TAFA1: variants seen among roughly 807,000 people sequenced by gnomAD.
TAFA1 encodes chemokine-like protein TAFA-1.
TAFA1 carries 4 observed loss-of-function variants against 18.5 expected under a neutral mutation model. The observed-to-expected ratio is 0.22, with a 90% CI of 0.11 to 0.49. TAFA1 has a LOEUF of 0.49. Among genes scored for constraint, TAFA1 ranks in the 20% least tolerant of loss-of-function variants. TAFA1 has a pLI of 0.98. For missense variants in TAFA1, 147 were observed against 169.0 expected, an observed-to-expected ratio of 0.87 and a Z score of 0.72; for synonymous variants, 56 against 55.2, an observed-to-expected ratio of 1.01 and a Z score of -0.06.
intron 2 of TAFA1, among the ~76,000 whole-genome samples, chr3:68,091,704 G>A (rs991828741): frequency 6.6e-6 from 1 of 152,106 alleles, no homozygotes; most frequent in Non-Finnish European, 1.5e-5. Flanking sequence ...GCCCTGAGAG[G>A]CAGGAGCCAG....
chr3:68,517,850 G>C (rs1025210763), intron 3 of TAFA1, among the ~76,000 whole-genome samples: 1 of 151,976 alleles, frequency 6.6e-6, no homozygotes, highest in African/African-American at 2.4e-5. Flanking sequence ...AGTTAATTAA[G>C]ACTGTGGACT....
At chr3:68,514,411 A>G (rs970644924) in intron 3 of TAFA1, among the ~76,000 whole-genome samples, 5 of 152,126 alleles carry the variant, frequency 3.3e-5, no homozygotes, top group Admixed American at 1.3e-4. Flanking sequence ...ATGTGTAGAG[A>G]GCCTTCCTTT....
At chr3:68,342,845 T>C (rs1457512608) in intron 2 of TAFA1, among the ~76,000 whole-genome samples, 1 of 152,244 alleles carries the variant, frequency 6.6e-6, no homozygotes, top group African/African-American at 2.4e-5. Flanking sequence ...GAGCTGCTGC[T>C]ACCTTGTAAT....
At chr3:68,268,736 T>C (rs981144687) in intron 2 of TAFA1, among the ~76,000 whole-genome samples, 1 of 152,122 alleles carries the variant, frequency 6.6e-6, no homozygotes, top group African/African-American at 2.4e-5. Flanking sequence ...CTTATGCATG[T>C]GCTGTAGGGG....
At chr3:68,460,218 C>A (rs934794789) in intron 3 of TAFA1, among the ~76,000 whole-genome samples, 7 of 152,198 alleles carry the variant, frequency 4.6e-5, no homozygotes, top group Admixed American at 1.3e-4. Flanking sequence ...ACAAAATATA[C>A]CCATCCCTTC....
chr3:68,040,104 C>CTA (rs956426794), intron 2 of TAFA1, among the ~76,000 whole-genome samples: 5 of 152,136 alleles, frequency 3.3e-5, no homozygotes, highest in African/African-American at 9.7e-5. Flanking sequence ...AGGGCATCTG[C>CTA]TATAACATTG....
chr3:68,108,228 T>C (rs1022575511), intron 2 of TAFA1, among the ~76,000 whole-genome samples: 1 of 152,108 alleles, frequency 6.6e-6, no homozygotes, highest in Non-Finnish European at 1.5e-5. Context: ...TCAAAAAAAG[T>C]AGAAACTTGT....
rs1315115273 is a variant in TAFA1 at position 68,338,893 on chromosome 3, G to A, written c.119-78387G>A. Among the ~76,000 whole-genome samples the A allele has an allele frequency of 1.3e-5, 2 of 152,188 alleles. 1 individual carries two copies. Among genetic ancestry groups the A allele is most frequent in the South Asian group, 4.1e-4 (2 of 4,836 alleles). ...TCTAAGCAAGGCTTGGATTCGTGCT[G>A]TAGATTGGATTCAAGTACAGGCCAA... On this transcript the variant is annotated intron_variant, in intron 2 of 4. Transcript: ENST00000478136.
intron 3 of TAFA1, among the ~76,000 whole-genome samples, chr3:68,508,717 T>C (rs933007862): frequency 6.6e-6 from 1 of 152,038 alleles, no homozygotes; most frequent in Non-Finnish European, 1.5e-5. Flanking sequence ...AGACATAATA[T>C]ATACAAAATC....
chr3:68,244,089 A>G (rs1467220651), intron 2 of TAFA1, among the ~76,000 whole-genome samples: 6 of 152,188 alleles, frequency 3.9e-5, no homozygotes, highest in African/African-American at 1.4e-4. Context: ...TATCCTTTTC[A>G]GTGAAATGTC....
At chr3:68,347,227 G>A (rs1348555129) in intron 2 of TAFA1, among the ~76,000 whole-genome samples, 2 of 152,174 alleles carry the variant, frequency 1.3e-5, no homozygotes, top group Non-Finnish European at 2.9e-5. Flanking sequence ...GCAAATACTA[G>A]TTGTCTGCTT....
intron 3 of TAFA1, among the ~76,000 whole-genome samples, chr3:68,497,202 T>G (rs1429714215): frequency 6.6e-6 from 1 of 152,164 alleles, no homozygotes; most frequent in African/African-American, 2.4e-5. Context: ...TCTAGATGCT[T>G]TATCATCTCT....
intron 2 of TAFA1, among the ~76,000 whole-genome samples, chr3:68,072,443 A>G (rs2106751701): frequency 6.6e-6 from 1 of 152,316 alleles, no homozygotes; most frequent in African/African-American, 2.4e-5. Flanking sequence ...AGTTGTTTCC[A>G]GGGTAGAAAT....
chr3:68,126,336 TG>T (rs1016584961), intron 2 of TAFA1, among the ~76,000 whole-genome samples: 5 of 152,148 alleles, frequency 3.3e-5, no homozygotes, highest in African/African-American at 9.6e-5. Context: ...AACTTGATAA[TG>T]AGAAGATCAG....
At chr3:67,994,963 G>A in the TAFA1 span, among the ~76,000 whole-genome samples, 1 of 152,144 alleles carries the variant, frequency 6.6e-6, no homozygotes, top group South Asian at 2.1e-4. Flanking sequence ...AGGATCATAA[G>A]TAATGGAAGC....
At chr3:68,447,357 T>C (rs2071487157) in intron 3 of TAFA1, among the ~76,000 whole-genome samples, 1 of 152,218 alleles carries the variant, frequency 6.6e-6, no homozygotes, top group Admixed American at 6.5e-5. Flanking sequence ...ACTGGCTGTC[T>C]AAAAACCAAA....
At chr3:68,541,367 GGT>G (rs372119521) in intron 4 of TAFA1, among the ~76,000 whole-genome samples, 1 of 152,116 alleles carries the variant, frequency 6.6e-6, no homozygotes, top group African/African-American at 2.4e-5. Flanking sequence ...CTGTGTAAAT[GGT>G]GTGTCAACGC....
At chr3:68,275,724 A>C (rs2067783298) in intron 2 of TAFA1, among the ~76,000 whole-genome samples, 1 of 152,134 alleles carries the variant, frequency 6.6e-6, no homozygotes, top group South Asian at 2.1e-4. Flanking sequence ...AAGAAAGAGC[A>C]TTTCAAGCAT....
At chr3:68,214,001 C>G (rs1425966260) in intron 2 of TAFA1, among the ~76,000 whole-genome samples, 1 of 152,032 alleles carries the variant, frequency 6.6e-6, no homozygotes, top group East Asian at 1.9e-4. Context: ...ATATGGTTCC[C>G]AATATTACCT....
Sources: allele counts gnomAD v4.1 joint callset (sites outside exome capture counted in the v4.1 genomes callset), GRCh38; gene constraint gnomAD v4.1.1; transcripts MANE v1.5; gene names NCBI Gene and HGNC (gene_info 2026-07-23, HGNC 2026-07-21).